IRAK1BP1: variants seen among roughly 807,000 people sequenced by gnomAD.
The protein encoded by IRAK1BP1 is interleukin 1 receptor associated kinase 1 binding protein 1, also known as interleukin-1 receptor-associated kinase 1-binding protein 1.
Under a neutral mutation model 28.0 loss-of-function variants are expected in IRAK1BP1, and 24 were observed. The observed-to-expected ratio is 0.86, with a 90% confidence interval of 0.62 to 1.20. The LOEUF (loss-of-function observed/expected upper bound fraction) is 1.20. IRAK1BP1 is among the 50% of genes most tolerant of loss of function. The pLI, the probability that IRAK1BP1 is intolerant of heterozygous loss-of-function variation, is 0.00. For missense variants in IRAK1BP1, 336 were observed against 316.7 expected (o/e 1.06, Z -0.46); for synonymous variants, 131 against 116.3 (o/e 1.13, Z -0.81).
chr6:78,890,189 A>G (rs1007809401), intron 2 of IRAK1BP1, among the ~76,000 whole-genome samples: 16 of 148,924 alleles, frequency 1.1e-4, no homozygotes, highest in Non-Finnish European at 1.8e-4. Flanking sequence ...CAAACACCGC[A>G]TGTTCTCAAT....
the IRAK1BP1 span, chr6:78,965,993 G>T: frequency 6.2e-7 from 1 of 1,613,602 alleles, no homozygotes; most frequent in South Asian, 1.1e-5. Context: ...AAGTTGAAGA[G>T]GTTCCTGGCT....
At chr6:78,942,938 A>G (rs953863196) in intron 4 of IRAK1BP1, among the ~76,000 whole-genome samples, 2 of 152,242 alleles carry the variant, frequency 1.3e-5, no homozygotes, top group African/African-American at 4.8e-5. Context: ...GGAATTCAGA[A>G]GTTTTTTAAA....
intron 1 of IRAK1BP1, among the ~76,000 whole-genome samples, chr6:78,876,884 T>C (rs1467289543): frequency 6.6e-6 from 1 of 152,126 alleles, no homozygotes; most frequent in Admixed American, 6.5e-5. Context: ...CACTGCCCTA[T>C]AGATAAACAA....
chr6:78,897,773 A>C, intron 2 of IRAK1BP1, 56 bp from the exon 3 acceptor site: 1 of 1,510,334 alleles, frequency 6.6e-7, no homozygotes, highest in Non-Finnish European at 9.0e-7. Context: ...CATGTAGAGA[A>C]AATCTTGAAA....
intron 1 of IRAK1BP1, among the ~76,000 whole-genome samples, chr6:78,884,823 C>T (rs1771359558): frequency 6.6e-6 from 1 of 152,104 alleles, no homozygotes; most frequent in African/African-American, 2.4e-5. Flanking sequence ...TATGTGCAAA[C>T]AATTGCTCAT....
At chr6:78,954,745 T>G in the IRAK1BP1 span, 1 of 917,152 alleles carries the variant, frequency 1.1e-6, no homozygotes, top group Non-Finnish European at 1.6e-6. Flanking sequence ...GTAACTAAAA[T>G]AGCCAACTGT....
At chr6:78,882,662 G>T (rs1277296311) in intron 1 of IRAK1BP1, among the ~76,000 whole-genome samples, 1 of 152,128 alleles carries the variant, frequency 6.6e-6, no homozygotes, top group Non-Finnish European at 1.5e-5. Context: ...AAAAACAAAG[G>T]AAGACTGAGA....
chr6:78,935,297 A>G (rs1314759358), intron 4 of IRAK1BP1, among the ~76,000 whole-genome samples: 1 of 152,182 alleles, frequency 6.6e-6, no homozygotes, highest in Non-Finnish European at 1.5e-5. Context: ...CAAAATTACA[A>G]ATCACTCCAT....
the IRAK1BP1 span, among the ~76,000 whole-genome samples, chr6:78,969,680 C>T: frequency 6.6e-6 from 1 of 151,980 alleles, no homozygotes; most frequent in South Asian, 2.1e-4. Context: ...CTTAACAATA[C>T]CTCTGACATA....
At chr6:78,873,660 G>A (rs1453172020) in intron 1 of IRAK1BP1, among the ~76,000 whole-genome samples, 9 of 151,890 alleles carry the variant, frequency 5.9e-5, no homozygotes, top group South Asian at 4.1e-4. Context: ...TTATAGAGAC[G>A]GGGTCTTACT....
Position 78,898,699 on chromosome 6 carries a change from A to G in IRAK1BP1, c.*365A>G, listed in dbSNP as rs969828292. Reference sequence around the variant, plus strand: ...TTTAAGCTAAAATTTTCTCAGCCACATTTTTATATAAAACCAAATTTTATG... The same window carrying G: ...TTTAAGCTAAAATTTTCTCAGCCACGTTTTTATATAAAACCAAATTTTATG... On this transcript the variant is annotated 3_prime_UTR_variant, in exon 4 of 4. Coordinates refer to ENST00000369940, the MANE Select transcript of IRAK1BP1 (RefSeq NM_001010844.4). 4 of 151,828 alleles carry G rather than the reference A, an allele frequency of 2.6e-5. No homozygotes were observed. The highest frequency in any genetic ancestry group is 9.7e-5 in the African/African-American group (4 of 41,358). The allele number at this position is 151,828 out of a possible 1,614,324, so 9.4% of individuals were successfully genotyped here. A position where few individuals can be genotyped will look rare whatever the true frequency, so the allele number is the denominator to read the frequency against.
intron 4 of IRAK1BP1, among the ~76,000 whole-genome samples, chr6:78,944,941 A>T (rs1225902889): frequency 1.3e-5 from 2 of 151,056 alleles, no homozygotes; most frequent in African/African-American, 2.4e-5. Flanking sequence ...AACCCCAATG[A>T]ATTATTATTT....
chr6:78,954,266 T>TG, the IRAK1BP1 span, among the ~76,000 whole-genome samples: 1 of 130,164 alleles, frequency 7.7e-6, no homozygotes, highest in African/African-American at 2.8e-5. Flanking sequence ...CACGCCTGGC[T>TG]AATTTTTTTT....
the IRAK1BP1 span, among the ~76,000 whole-genome samples, chr6:78,974,649 A>AAG: frequency 6.6e-6 from 1 of 151,948 alleles, no homozygotes; most frequent in Non-Finnish European, 1.5e-5. Context: ...AAAAGAAAAA[A>AAG]AGAAGAATCA....
chr6:78,881,097 C>A (rs990400438), intron 1 of IRAK1BP1, among the ~76,000 whole-genome samples: 2 of 152,144 alleles, frequency 1.3e-5, no homozygotes, highest in African/African-American at 4.8e-5. Context: ...TTATTCATAA[C>A]TTCTAAAACT....
chr6:78,969,376 T>C, the IRAK1BP1 span, among the ~76,000 whole-genome samples: 53 of 152,346 alleles, frequency 3.5e-4, no homozygotes, highest in South Asian at 0.011. Context: ...TGTAAATTAA[T>C]GCACCTTAAG....
chr6:78,882,703 G>A (rs1482348650), intron 1 of IRAK1BP1, among the ~76,000 whole-genome samples: 1 of 152,154 alleles, frequency 6.6e-6, no homozygotes, highest in Non-Finnish European at 1.5e-5. Flanking sequence ...AGACTAAGGA[G>A]ACTTGATGAA....
chr6:78,960,112 A>G, the IRAK1BP1 span, among the ~76,000 whole-genome samples: 5 of 152,186 alleles, frequency 3.3e-5, no homozygotes, highest in African/African-American at 9.7e-5. Context: ...AAAAAGATGA[A>G]AATTCAAAAT....
chr6:78,914,134 A>T (rs1772496470), intron 4 of IRAK1BP1, among the ~76,000 whole-genome samples: 1 of 152,210 alleles, frequency 6.6e-6, no homozygotes, highest in African/African-American at 2.4e-5. Flanking sequence ...GCACATTAAT[A>T]AATTAATTAA....
Sources: gnomAD v4.1 joint callset for allele counts (sites outside exome capture counted in the v4.1 genomes callset) on GRCh38, gnomAD v4.1.1 for gene constraint, MANE v1.5 for transcripts, NCBI Gene and HGNC (gene_info 2026-07-23, HGNC 2026-07-21) for gene names.